Variants in PCDHGA9 observed in about 807,000 individuals in gnomAD.
The protein encoded by PCDHGA9 is protocadherin gamma subfamily A, 9, also known as protocadherin gamma-A9.
In PCDHGA9, 37 loss-of-function variants were observed where a neutral mutation model predicts 62.5. That is an observed-to-expected ratio of 0.59 (90% confidence interval 0.46 to 0.78). PCDHGA9 has a LOEUF of 0.78. PCDHGA9 is among the 30% of genes least tolerant of loss of function. PCDHGA9 has a pLI of 0.00. For synonymous variants in PCDHGA9, 459 were observed against 484.6 expected (o/e 0.95, Z 0.69); for missense variants, 1,138 against 1,166.2 (o/e 0.98, Z 0.35).
chr5:141,402,879 C>T lies in PCDHGA9; in HGVS notation c.-74C>T. 6.8e-7 allele frequency: 1 copy of T among 1,471,232 alleles called. No individual in the cohort carries two copies. Among genetic ancestry groups the T allele is most frequent in the Non-Finnish European group, 9.0e-7 (1 of 1,110,648 alleles). 91.1% of individuals were successfully genotyped at this position (1,471,232 alleles called of 1,614,324 possible). ...CTAAGGAAAAGATCACCATACTTTGCAGGGTGGAAGAAAGAACCTGATGAA... is the reference window on the plus strand; with the variant it reads ...CTAAGGAAAAGATCACCATACTTTGTAGGGTGGAAGAAAGAACCTGATGAA... On this transcript the variant is annotated 5_prime_UTR_variant, in exon 1 of 4. Coordinates refer to ENST00000573521, the MANE Select transcript of PCDHGA9 (RefSeq NM_018921.3).
chr5:141,492,023 C>A, intron 1 of PCDHGA9: 1 of 564,804 alleles, frequency 1.8e-6, no homozygotes, highest in Non-Finnish European at 3.0e-6. Context: ...TCGGGGGTCC[C>A]GGGAGGAGGC....
Position 141,432,806 on chromosome 5 carries a change from A to G in PCDHGA9, c.2424+27430A>G, listed in dbSNP as rs755248654. 12 of 1,614,070 alleles carry G rather than the reference A, an allele frequency of 7.4e-6. No individual in the cohort carries two copies. Among genetic ancestry groups the G allele is most frequent in the Non-Finnish European group, 9.3e-6 (11 of 1,179,972 alleles). On this transcript the variant is annotated intron_variant, in intron 1 of 3. Transcript: ENST00000573521. This position sits in a 1 kb window ranked among gnomAD's most constrained non-coding sequence, Gnocchi z 6.0. ...CCTCGGCAGCCTCGAGTCTCCAGCT[A>G]ACTCTGAAACCTCAGACCTCACTCT...
intron 1 of PCDHGA9, chr5:141,478,259 T>G: frequency 6.2e-7 from 1 of 1,614,182 alleles, no homozygotes. Context: ...AGTAATCATA[T>G]TCAAAGTTTA....
intron 1 of PCDHGA9, among the ~76,000 whole-genome samples, chr5:141,439,270 A>G (rs1381185021): frequency 6.6e-6 from 1 of 152,140 alleles, no homozygotes; most frequent in African/African-American, 2.4e-5. Flanking sequence ...CCAACAGTTC[A>G]TTCTGAGACT....
chr5:141,437,794 G>A (rs1162440523), intron 1 of PCDHGA9, among the ~76,000 whole-genome samples: 3 of 150,526 alleles, frequency 2.0e-5, no homozygotes, highest in Non-Finnish European at 4.4e-5. Flanking sequence ...CTGGAGTGCA[G>A]TGGCACTATC....
In PCDHGA9 at chr5:141,404,306, T is replaced by C. The variant is rs200297928; in HGVS notation, c.1354T>C (p.Phe452Leu). 1,450 of 1,613,824 alleles carry C rather than the reference T, an allele frequency of 9.0e-4. 2 individuals carry two copies. Among genetic ancestry groups the C allele is most frequent in the Admixed American group, 2.4e-3 (143 of 60,004 alleles). ...TGACATCAATGATAATCCACCTGCT[T>C]TCTCTCAAGCCTCCTACTCAGTCTA... ...VTDINDNPPA[F>L]SQASYSVYLP... is the part of the protein sequence containing the mutation. The change falls in exon 1 of 4, where the codon TTC becomes CTC. Residue 452 changes from phenylalanine to leucine, a missense_variant. By Grantham distance (22) the Phe-to-Leu change is conservative. Coordinates refer to ENST00000573521, the MANE Select transcript of PCDHGA9 (RefSeq NM_018921.3).
chr5:141,485,768 C>G lies in PCDHGA9; in HGVS notation c.2425-9039C>G. ...GGTCCCAGAGCTGCTCCTGGAGAAG[C>G]CTTTGGATCGAGAGAAGCAATCGGA... On this transcript the variant is annotated intron_variant, in intron 1 of 3. Coordinates refer to ENST00000573521, the MANE Select transcript of PCDHGA9 (RefSeq NM_018921.3). The surrounding 1 kb of genome is among the most constrained non-coding windows in gnomAD (Gnocchi z 5.7). 5 of 1,614,192 alleles carry G rather than the reference C, an allele frequency of 3.1e-6. No homozygotes were observed. The South Asian group carries it at 3.3e-5, about 11-fold the overall frequency.
At chr5:141,435,306 T>C (rs2154556603) in intron 1 of PCDHGA9, among the ~76,000 whole-genome samples, 1 of 152,358 alleles carries the variant, frequency 6.6e-6, no homozygotes, top group East Asian at 1.9e-4. Flanking sequence ...TGGTTTTAAA[T>C]CATTCATGAA....
chr5:141,410,617 T>A, intron 1 of PCDHGA9: 2 of 1,603,978 alleles, frequency 1.2e-6, no homozygotes, highest in Non-Finnish European at 1.7e-6. Flanking sequence ...AGACTCTGAC[T>A]TCGGTGAGTT....
At position 141,448,827 on chromosome 5, in the gene PCDHGA9, C is replaced by T. The variant is rs540550537; in HGVS notation, c.2424+43451C>T. ...AGGCGTGATGGCGGGCGCCTGTAGT[C>T]CCAGCTACTCTGGAGGCTGAGGCAG... On this transcript the variant is annotated intron_variant, in intron 1 of 3. Transcript: ENST00000573521. Among the ~76,000 whole-genome samples the T allele has an allele frequency of 1.6e-4, 25 of 152,108 alleles. No homozygotes were observed. In the South Asian group the frequency reaches 4.2e-3, roughly 25 times the overall value.
rs1233637152 is a variant in PCDHGA9 at position 141,432,543 on chromosome 5, A to G, written c.2424+27167A>G. ...CTGGTGACCAAGGTGGTGGCGGTGGACAGAGACTCCGGCCAGAACGCCTGG... is the reference window on the plus strand; with the variant it reads ...CTGGTGACCAAGGTGGTGGCGGTGGGCAGAGACTCCGGCCAGAACGCCTGG... On this transcript the variant is annotated intron_variant, in intron 1 of 3. Transcript: ENST00000573521. This position sits in a 1 kb window ranked among gnomAD's most constrained non-coding sequence, Gnocchi z 6.0. 3 of 1,613,678 alleles carry G rather than the reference A, an allele frequency of 1.9e-6. No individual in the cohort carries two copies. In the African/African-American group the frequency reaches 4.0e-5, roughly 22 times the overall value.
intron 1 of PCDHGA9, chr5:141,478,713 G>A (rs745990290): frequency 1.9e-6 from 3 of 1,546,642 alleles, no homozygotes; most frequent in African/African-American, 2.7e-5. Context: ...TTGTGAGATG[G>A]TGGCCTGCCA....
Position 141,477,202 on chromosome 5 carries a change from C to G in PCDHGA9, c.2425-17605C>G. 1 of 1,614,182 alleles carries G rather than the reference C, an allele frequency of 6.2e-7. No homozygotes were observed. The highest frequency in any genetic ancestry group is 1.1e-5 in the South Asian group (1 of 91,074). On this transcript the variant is annotated intron_variant, in intron 1 of 3. Transcript: ENST00000573521. This position sits in a 1 kb window ranked among gnomAD's most constrained non-coding sequence, Gnocchi z 4.9. ...TCACCTCCGTGTACAGCCCAGTACC[C>G]GAGGATGCCCCTCTGGGGACTGTCA...
chr5:141,485,797 C>T lies in PCDHGA9; in HGVS notation c.2425-9010C>T. 1 of 1,614,228 alleles carries T rather than the reference C, an allele frequency of 6.2e-7. No homozygotes were observed. Among genetic ancestry groups the T allele is most frequent in the South Asian group, 1.1e-5 (1 of 91,092 alleles). On this transcript the variant is annotated intron_variant, in intron 1 of 3. Coordinates refer to ENST00000573521, the MANE Select transcript of PCDHGA9 (RefSeq NM_018921.3). This position sits in a 1 kb window ranked among gnomAD's most constrained non-coding sequence, Gnocchi z 5.7. ...TGGATCGAGAGAAGCAATCGGACTACCGCCTGGTGCTGACTGCTGTCGATG... is the reference window on the plus strand; with the variant it reads ...TGGATCGAGAGAAGCAATCGGACTATCGCCTGGTGCTGACTGCTGTCGATG...
chr5:141,486,019 T>C lies in PCDHGA9; in HGVS notation c.2425-8788T>C, dbSNP rs2078071. 3.2e-3 allele frequency: 5,143 copies of C among 1,613,986 alleles called. 141 individuals carry two copies. In the South Asian group the frequency reaches 0.046, roughly 14 times the overall value. ...GTGGTAACGTCACCTTTTATTTCAG[T>C]GGTCATACCCCTGATCGTGTAAGAA... On this transcript the variant is annotated intron_variant, in intron 1 of 3. Transcript: ENST00000573521. The surrounding 1 kb of genome is among the most constrained non-coding windows in gnomAD (Gnocchi z 5.0).
At chr5:141,499,022 AAGG>A (rs2099788758) in intron 2 of PCDHGA9, among the ~76,000 whole-genome samples, 3 of 150,722 alleles carry the variant, frequency 2.0e-5, no homozygotes, top group Non-Finnish European at 3.0e-5. Context: ...GGAAGGAAGG[AAGG>A]AAGAAAAGAA....
intron 1 of PCDHGA9, 134 bp from the exon 2 acceptor site, chr5:141,494,673 C>A: frequency 6.5e-7 from 1 of 1,542,992 alleles, no homozygotes; most frequent in South Asian, 1.2e-5. Flanking sequence ...GATGAGTCCA[C>A]CCCTGCCCCC....
chr5:141,450,479 G>GTTTT (rs1165567597), intron 1 of PCDHGA9, among the ~76,000 whole-genome samples: 124 of 152,020 alleles, frequency 8.2e-4, no homozygotes, highest in African/African-American at 2.9e-3. Flanking sequence ...GAGTTTGTTT[G>GTTTT]TTTGTTTGTC....
Position 141,405,242 on chromosome 5 carries a change from A to G in PCDHGA9, c.2290A>G (p.Arg764Gly). 6.2e-7 allele frequency: 1 copy of G among 1,614,156 alleles called. No individual in the cohort carries two copies. Among genetic ancestry groups the G allele is most frequent in the Non-Finnish European group, 8.5e-7 (1 of 1,180,024 alleles). Residue 764 changes from arginine to glycine, a missense_variant, in exon 1 of 4, where the codon AGG (arginine) becomes GGG (glycine). Transcript: ENST00000573521. ...GGAGTTCTCCCTCACCGCTGACTCA[A>G]GGAAGAGTCACCTGATCTTCCCCCA... ...SQEFSLTADS[R>G]KSHLIFPQPN... is the part of the protein sequence containing the mutation.
Sources: gnomAD v4.1 joint callset for allele counts (sites outside exome capture counted in the v4.1 genomes callset) on GRCh38, gnomAD v4.1.1 for gene constraint, Gnocchi (gnomAD v3.1) non-coding constraint, MANE v1.5 for transcripts, NCBI Gene and HGNC (gene_info 2026-07-23, HGNC 2026-07-21) for gene names.